Variants in ZNF652 observed in about 807,000 individuals in gnomAD.
ZNF652 encodes zinc finger protein 652.
ZNF652 carries 16 observed loss-of-function variants against 45.2 expected under a neutral mutation model. The observed-to-expected ratio is 0.35, with a 90% CI of 0.24 to 0.54. The LOEUF is 0.54. Among genes scored for constraint, ZNF652 ranks in the 20% least tolerant of loss-of-function variants. The pLI is 0.91. For synonymous variants in ZNF652, 250 were observed against 260.6 expected (o/e 0.96, Z 0.39); for missense variants, 614 against 765.6 (o/e 0.80, Z 2.34).
At chr17:49,301,546 C>T (rs1186231221) in intron 5 of ZNF652, among the ~76,000 whole-genome samples, 1 of 152,176 alleles carries the variant, frequency 6.6e-6, no homozygotes, top group Non-Finnish European at 1.5e-5. Flanking sequence ...GATCCGCCCA[C>T]CTCGGCCTCC....
At chr17:49,341,223 AAAGAAAAG>A (rs2070142317) in intron 1 of ZNF652, among the ~76,000 whole-genome samples, 1 of 152,078 alleles carries the variant, frequency 6.6e-6, no homozygotes, top group African/African-American at 2.4e-5. Context: ...CTCAAAAAGA[AAAGAAAAG>A]AAGAAAAGAA....
In ZNF652 at chr17:49,292,757, C is replaced by A. The variant is rs1036038955; in HGVS notation, c.*5656G>T. On this transcript the variant is annotated 3_prime_UTR_variant, in exon 6 of 6. Coordinates refer to ENST00000430262, the MANE Select transcript of ZNF652 (RefSeq NM_001145365.3). ...AGAGTCAAATAAGGATAAAATCTTT[C>A]AACAGAGAGACGAAATATGTGAAGA... Among the ~76,000 whole-genome samples the A allele has an allele frequency of 6.6e-6, 1 of 152,034 alleles. No homozygotes were observed. Among genetic ancestry groups the A allele is most frequent in the African/African-American group, 2.4e-5 (1 of 41,390 alleles).
rs2069387440 is a variant in ZNF652 at position 49,290,299 on chromosome 17, T to C, written c.*8114A>G. On this transcript the variant is annotated 3_prime_UTR_variant, in exon 6 of 6. Coordinates refer to ENST00000430262, the MANE Select transcript of ZNF652 (RefSeq NM_001145365.3). Reference sequence around the variant, plus strand: ...ATTACTGACCTGTTTGTTGTGAAGATGCTGCTGCAATAAGCACAAACAGAA... The same window carrying C: ...ATTACTGACCTGTTTGTTGTGAAGACGCTGCTGCAATAAGCACAAACAGAA... 6.6e-6 allele frequency: 1 copy of C among 152,266 alleles called. No individual in the cohort carries two copies. Among genetic ancestry groups the C allele is most frequent in the African/African-American group, 2.4e-5 (1 of 41,458 alleles). The allele number at this position is 152,266 out of a possible 1,614,324, so 9.4% of individuals were successfully genotyped here.
chr17:49,318,027 A>G (rs1175012865), intron 1 of ZNF652, 44 bp from the exon 2 acceptor site: 1 of 235,238 alleles, frequency 4.3e-6, no homozygotes, highest in Non-Finnish European at 8.2e-6. Context: ...TAATACCACT[A>G]TTTCCTTTTT....
At chr17:49,299,100 G>C (rs975608981) in intron 5 of ZNF652, among the ~76,000 whole-genome samples, 176 bp from the exon 6 acceptor site, 5 of 151,944 alleles carry the variant, frequency 3.3e-5, no homozygotes, top group African/African-American at 1.2e-4. Context: ...ACAGGTGTGA[G>C]CCACTGCGCC....
At chr17:49,307,341 G>C (rs1243563453) in intron 5 of ZNF652, among the ~76,000 whole-genome samples, 1 of 144,576 alleles carries the variant, frequency 6.9e-6, no homozygotes, top group African/African-American at 2.6e-5. Context: ...TGAGGCAGGA[G>C]AATCACTTGA....
intron 1 of ZNF652, among the ~76,000 whole-genome samples, chr17:49,349,990 A>ATCT (rs2070253008): frequency 6.6e-6 from 1 of 152,218 alleles, no homozygotes; most frequent in Non-Finnish European, 1.5e-5. Flanking sequence ...CCATGAACAG[A>ATCT]TATTCAGGCT....
intron 5 of ZNF652, among the ~76,000 whole-genome samples, chr17:49,304,611 A>C (rs2069601994): frequency 6.6e-6 from 1 of 152,202 alleles, no homozygotes; most frequent in South Asian, 2.1e-4. Context: ...AAGTTCATTA[A>C]GGTAACTGGA....
At chr17:49,353,204 G>T (rs903649917) in intron 1 of ZNF652, among the ~76,000 whole-genome samples, 2 of 152,026 alleles carry the variant, frequency 1.3e-5, no homozygotes, top group African/African-American at 4.8e-5. Flanking sequence ...TTCTGGAGGG[G>T]CAGGGTCTCA....
intron 1 of ZNF652, among the ~76,000 whole-genome samples, chr17:49,351,322 G>A (rs2070280992): frequency 6.6e-6 from 1 of 151,788 alleles, no homozygotes; most frequent in African/African-American, 2.4e-5. Context: ...CGTGAAACGT[G>A]CATATTTTTG....
chr17:49,313,398 C>T (rs1428710185), intron 2 of ZNF652, among the ~76,000 whole-genome samples: 2 of 151,862 alleles, frequency 1.3e-5, no homozygotes, highest in African/African-American at 2.4e-5. Context: ...GCCTCGTGAT[C>T]CACCCGCCTC....
Position 49,298,473 on chromosome 17 carries a change from C to G in ZNF652, c.1761G>C (p.Gln587His), listed in dbSNP as rs763149993. 7 of 1,612,966 alleles carry G rather than the reference C, an allele frequency of 4.3e-6. No individual in the cohort carries two copies. In the East Asian group the frequency reaches 1.3e-4, roughly 31 times the overall value. ...GGTGCCGCAGAAAGTTGTCCTCACT[C>G]TGGCCTCTATGATTTAAAGGCTCAC... Reference protein sequence around the residue: ...FKSEPLNHRGQSEDNFLRHLA... With the variant: ...FKSEPLNHRGHSEDNFLRHLA... The change falls in exon 6 of 6, where the codon CAG becomes CAC. Residue 587 changes from glutamine (Q) to histidine (H), a missense_variant. Gln to His is a conservative substitution (Grantham distance 24). This residue lies in a region of ZNF652 where 132 missense variants were observed against 137.2 expected (regional missense o/e 0.96). Transcript: ENST00000430262.
intron 1 of ZNF652, among the ~76,000 whole-genome samples, chr17:49,332,472 G>C (rs1015056860): frequency 2.6e-5 from 4 of 151,924 alleles, no homozygotes; most frequent in African/African-American, 9.7e-5. Flanking sequence ...TTCCCTCTCC[G>C]ATTCTTTTGA....
chr17:49,304,068 T>TTTTAA (rs1555625476), intron 5 of ZNF652, among the ~76,000 whole-genome samples: 59 of 144,664 alleles, frequency 4.1e-4, no homozygotes, highest in Admixed American at 3.7e-3. Context: ...TTTTTTTTTT[T>TTTTAA]TTTTTGTATT....
At chr17:49,337,305 C>T (rs1341881565) in intron 1 of ZNF652, among the ~76,000 whole-genome samples, 1 of 149,020 alleles carries the variant, frequency 6.7e-6, no homozygotes, top group Non-Finnish European at 1.5e-5. Context: ...TGCTGCCCTC[C>T]AGCATGGGCA....
intron 1 of ZNF652, among the ~76,000 whole-genome samples, chr17:49,335,570 A>T (rs1266896782): frequency 1.3e-5 from 2 of 151,384 alleles, no homozygotes; most frequent in Admixed American, 6.6e-5. Context: ...TCTTATTATT[A>T]AAAAAAAACT....
At chr17:49,357,688 G>A (rs985473107) in intron 1 of ZNF652, among the ~76,000 whole-genome samples, 3 of 152,180 alleles carry the variant, frequency 2.0e-5, no homozygotes, top group South Asian at 2.1e-4. Context: ...GGCTTTGCAC[G>A]TGATTCAACT....
Position 49,296,927 on chromosome 17 carries a change from T to C in ZNF652, c.*1486A>G, listed in dbSNP as rs2069485083. 6.6e-6 allele frequency: 1 copy of C among 152,200 alleles called. No individual in the cohort carries two copies. The allele number at this position is 152,200 out of a possible 1,614,324, so 9.4% of individuals were successfully genotyped here. On this transcript the variant is annotated 3_prime_UTR_variant, in exon 6 of 6. Transcript: ENST00000430262. ...ATAAGCTCCTGGTTGATTATGGTCT[T>C]TTGAAGTTCCCCAAACTTGAAAAAG...
At chr17:49,355,901 A>G (rs2070331242) in intron 1 of ZNF652, among the ~76,000 whole-genome samples, 1 of 152,112 alleles carries the variant, frequency 6.6e-6, no homozygotes, top group Admixed American at 6.5e-5. Flanking sequence ...ACCAATTAAA[A>G]AAAAAATAGT....
Sources: gnomAD v4.1 joint callset for allele counts (sites outside exome capture counted in the v4.1 genomes callset) on GRCh38, gnomAD v4.1.1 for gene constraint, gnomAD v4.1.1 regional missense constraint, MANE v1.5 for transcripts, NCBI Gene and HGNC (gene_info 2026-07-23, HGNC 2026-07-21) for gene names.